The following GRID2 variants were observed in gnomAD, a reference collection of about 807,000 sequenced individuals.
GRID2 encodes the protein glutamate ionotropic receptor delta type subunit 2.
Under a neutral mutation model 114.8 loss-of-function variants are expected in GRID2, and 33 were observed. The observed-to-expected ratio is 0.29, with a 90% CI of 0.22 to 0.38. GRID2 has a LOEUF of 0.38. GRID2 is among the 10% of genes least tolerant of loss of function. The pLI, the probability that GRID2 is intolerant of heterozygous loss-of-function variation, is 1.00. For missense variants in GRID2, 1,184 were observed against 1,257.7 expected, an observed-to-expected ratio of 0.94 and a Z score of 0.89; for synonymous variants, 505 against 449.9, an observed-to-expected ratio of 1.12 and a Z score of -1.55.
intron 2 of GRID2, among the ~76,000 whole-genome samples, chr4:92,921,228 G>A (rs1037655433): frequency 1.3e-5 from 2 of 151,974 alleles, no homozygotes; most frequent in African/African-American, 4.8e-5. Context: ...CTCTGCATTG[G>A]TTATTCTAGT....
chr4:92,998,687 T>G (rs1755353005), intron 2 of GRID2, among the ~76,000 whole-genome samples: 1 of 150,302 alleles, frequency 6.7e-6, no homozygotes, highest in Admixed American at 6.7e-5. Flanking sequence ...CTTGTCAGAT[T>G]TTTTTTTTTC....
At chr4:92,809,805 C>A (rs1291365984) in intron 2 of GRID2, among the ~76,000 whole-genome samples, 2 of 152,038 alleles carry the variant, frequency 1.3e-5, no homozygotes, top group East Asian at 3.9e-4. Context: ...CATTTTTCCA[C>A]TATTTTATTC....
intron 2 of GRID2, among the ~76,000 whole-genome samples, chr4:92,730,651 C>A (rs952895871): frequency 6.6e-6 from 1 of 151,888 alleles, no homozygotes; most frequent in Non-Finnish European, 1.5e-5. Flanking sequence ...AGTGATTAGA[C>A]TAAAACAAGC....
At chr4:92,380,693 T>G (rs1474719395) in intron 1 of GRID2, among the ~76,000 whole-genome samples, 2 of 151,988 alleles carry the variant, frequency 1.3e-5, no homozygotes, top group African/African-American at 2.4e-5. Flanking sequence ...CCAAATTTGT[T>G]AAATGGATTA....
At chr4:93,402,891 T>G (rs1226066453) in intron 9 of GRID2, among the ~76,000 whole-genome samples, 1 of 152,278 alleles carries the variant, frequency 6.6e-6, no homozygotes, top group East Asian at 1.9e-4. Context: ...CCTTAAATTT[T>G]TTGCTAAGGA....
At chr4:92,865,226 A>T (rs1411293482) in intron 2 of GRID2, among the ~76,000 whole-genome samples, 1 of 152,156 alleles carries the variant, frequency 6.6e-6, no homozygotes, top group Non-Finnish European at 1.5e-5. Flanking sequence ...CTGTCATAAT[A>T]TTTACACAGT....
At chr4:92,600,019 CATGTATGTGTGTGTGTGTGTGTGTGT>C (rs1242762296) in intron 2 of GRID2, among the ~76,000 whole-genome samples, 8 of 93,986 alleles carry the variant, frequency 8.5e-5, no homozygotes, top group African/African-American at 3.9e-4. Flanking sequence ...GGCAATACTT[CATGTATGTGTGTGTGTGTGTGTGTGT>C]ATATATATAT....
chr4:92,916,629 T>C (rs1219005008), intron 2 of GRID2, among the ~76,000 whole-genome samples: 8 of 152,080 alleles, frequency 5.3e-5, no homozygotes, highest in Admixed American at 5.2e-4. Flanking sequence ...TTTGTCCTTG[T>C]GATAGTTTGC....
chr4:93,146,698 G>A (rs1289194026), intron 4 of GRID2, among the ~76,000 whole-genome samples: 1 of 27,724 alleles, frequency 3.6e-5, no homozygotes, highest in Non-Finnish European at 5.9e-5. Flanking sequence ...GTACCTAAGT[G>A]ATTTAAAAAA....
chr4:92,561,628 C>T (rs1029004056), intron 1 of GRID2, among the ~76,000 whole-genome samples: 1 of 152,168 alleles, frequency 6.6e-6, no homozygotes, highest in African/African-American at 2.4e-5. Flanking sequence ...TAGATTATTT[C>T]TGCCTGAGTA....
intron 14 of GRID2, among the ~76,000 whole-genome samples, chr4:93,647,016 G>A (rs1208412558): frequency 1.3e-5 from 2 of 152,092 alleles, no homozygotes; most frequent in African/African-American, 4.8e-5. Flanking sequence ...ATGTATAAAT[G>A]TGAAATTCAG....
chr4:92,833,669 T>G (rs112693852), intron 2 of GRID2: 8 of 152,294 alleles, frequency 5.3e-5, no homozygotes, highest in African/African-American at 1.9e-4. Flanking sequence ...CCTAAAATAT[T>G]GGATAAATTG....
intron 13 of GRID2, among the ~76,000 whole-genome samples, chr4:93,623,654 C>G (rs898108800): frequency 2.0e-5 from 3 of 152,146 alleles, no homozygotes; most frequent in African/African-American, 7.2e-5. Flanking sequence ...ACTATGCAGT[C>G]TAATACAGTC....
chr4:92,708,065 A>G (rs1222127238), intron 2 of GRID2, among the ~76,000 whole-genome samples: 1 of 152,172 alleles, frequency 6.6e-6, no homozygotes, highest in East Asian at 1.9e-4. Flanking sequence ...GAAGTAAAAC[A>G]GAGGAAAGTT....
downstream of GRID2, chr4:93,774,618 T>C (rs1335819713): frequency 1.3e-5 from 2 of 152,178 alleles, no homozygotes; most frequent in Non-Finnish European, 1.5e-5. Flanking sequence ...CTCTCACAGA[T>C]TGAACTAAAT....
At chr4:93,755,191 G>T (rs926426399) in intron 14 of GRID2, among the ~76,000 whole-genome samples, 7 of 152,096 alleles carry the variant, frequency 4.6e-5, no homozygotes, top group Admixed American at 4.6e-4. Context: ...ATATCTATTG[G>T]TAAATTTTCT....
intron 4 of GRID2, among the ~76,000 whole-genome samples, chr4:93,149,539 G>A (rs1736554967): frequency 6.6e-6 from 1 of 150,392 alleles, no homozygotes; most frequent in Non-Finnish European, 1.5e-5. Context: ...TCACACCACT[G>A]CATTCTAGCC....
intron 13 of GRID2, among the ~76,000 whole-genome samples, chr4:93,585,980 T>C (rs1737502010): frequency 6.6e-6 from 1 of 152,128 alleles, no homozygotes; most frequent in Admixed American, 6.6e-5. Context: ...CACTTTCCTG[T>C]GGTGATTTTA....
intron 8 of GRID2, among the ~76,000 whole-genome samples, chr4:93,341,355 C>T (rs2149246625): frequency 6.6e-6 from 1 of 151,554 alleles, no homozygotes; most frequent in South Asian, 2.1e-4. Flanking sequence ...GACAGAGTCT[C>T]ACTCTGTCAC....
Sources: gnomAD v4.1 joint callset for allele counts (sites outside exome capture counted in the v4.1 genomes callset) on GRCh38, gnomAD v4.1.1 for gene constraint, MANE v1.5 for transcripts, NCBI Gene and HGNC (gene_info 2026-07-23, HGNC 2026-07-21) for gene names.